The following ACSL3 variants were observed in gnomAD, a reference collection of about 807,000 sequenced individuals.
ACSL3 encodes fatty acid CoA ligase Acsl3.
Under a neutral mutation model 84.7 loss-of-function variants are expected in ACSL3, and 34 were observed. The ratio of observed to expected loss-of-function variants is 0.40; its 90% CI spans 0.31 to 0.53. The LOEUF (loss-of-function observed/expected upper bound fraction) is 0.53. Among genes scored for constraint, ACSL3 ranks in the 20% least tolerant of loss-of-function variants. The probability of loss-of-function intolerance (pLI) is 0.48; values close to 1 mark genes in which losing one functional copy is unlikely to be tolerated. For missense variants in ACSL3, 680 were observed against 873.1 expected, an observed-to-expected ratio of 0.78 and a Z score of 2.79; for synonymous variants, 315 against 299.4, an observed-to-expected ratio of 1.05 and a Z score of -0.54.
At chr2:222,937,988 G>A (rs919861687) in intron 16 of ACSL3, among the ~76,000 whole-genome samples, 3 of 151,864 alleles carry the variant, frequency 2.0e-5, no homozygotes, top group Non-Finnish European at 4.4e-5. Context: ...TGTCAATACA[G>A]TTACATAAAA....
chr2:222,873,008 G>A (rs1695345376), intron 1 of ACSL3, among the ~76,000 whole-genome samples: 1 of 152,186 alleles, frequency 6.6e-6, no homozygotes, highest in Admixed American at 6.5e-5. Flanking sequence ...TCCATTGAGA[G>A]TAGACTGGGA....
chr2:222,928,904 G>C lies in ACSL3; in HGVS notation c.1508G>C (p.Cys503Ser). The C allele has an allele frequency of 6.2e-7, 1 of 1,613,714 alleles. No individual in the cohort carries two copies. Among genetic ancestry groups the C allele is most frequent in the South Asian group, 1.1e-5 (1 of 91,054 alleles). Residue 503 changes from cysteine (C) to serine (S), a missense_variant, in exon 13 of 17, where the codon TGC (cysteine) becomes TCC (serine). Cys to Ser is a moderately radical substitution (Grantham distance 112, BLOSUM62 -1). Around this residue, in one of 2 missense-constraint regions of ACSL3, gnomAD observed 347 missense variants for 525.7 expected, o/e 0.66. Coordinates refer to ENST00000357430, the MANE Select transcript of ACSL3 (RefSeq NM_004457.5). Reference protein sequence around the residue: ...NTGRVGAPLVCCEIKLKNWEE... With the variant: ...NTGRVGAPLVSCEIKLKNWEE... ...GGCAGAGTGGGAGCACCATTAGTTT[G>C]CTGTGAAATCAAATTAAAAAACTGG...
chr2:222,876,025 T>C (rs1274495670), intron 1 of ACSL3, among the ~76,000 whole-genome samples: 1 of 152,202 alleles, frequency 6.6e-6, no homozygotes, highest in African/African-American at 2.4e-5. Flanking sequence ...CAATCCATAG[T>C]TAAAAGTGCT....
intron 4 of ACSL3, among the ~76,000 whole-genome samples, chr2:222,915,596 A>G (rs537692297): frequency 4.6e-5 from 7 of 152,344 alleles, no homozygotes; most frequent in Middle Eastern, 3.4e-3. Context: ...ACAATATGTT[A>G]AAAAACTTCA....
chr2:222,928,668 A>C (rs1696945923), intron 12 of ACSL3, among the ~76,000 whole-genome samples, 194 bp from the exon 13 acceptor site: 1 of 151,408 alleles, frequency 6.6e-6, no homozygotes, highest in Non-Finnish European at 1.5e-5. Flanking sequence ...AAAAAAAAAA[A>C]CCTCAATGTA....
intron 4 of ACSL3, among the ~76,000 whole-genome samples, chr2:222,914,737 T>G (rs1696531761): frequency 6.6e-6 from 1 of 152,236 alleles, no homozygotes; most frequent in Non-Finnish European, 1.5e-5. Flanking sequence ...TAGTTTAATC[T>G]TGTCTTGGGC....
chr2:222,937,915 T>TA (rs1191402042), intron 16 of ACSL3, among the ~76,000 whole-genome samples: 2 of 152,166 alleles, frequency 1.3e-5, no homozygotes, highest in Non-Finnish European at 1.5e-5. Flanking sequence ...TGTGTATAAT[T>TA]ACATTCTTTG....
At chr2:222,885,750 CT>C (rs147931516) in intron 1 of ACSL3, among the ~76,000 whole-genome samples, 10 of 148,846 alleles carry the variant, frequency 6.7e-5, no homozygotes, top group Non-Finnish European at 3.0e-5. Context: ...AAGGTCTGTC[CT>C]TTTTTTTTTG....
chr2:222,865,169 G>A (rs1695105278), intron 1 of ACSL3, among the ~76,000 whole-genome samples: 1 of 152,054 alleles, frequency 6.6e-6, no homozygotes, highest in African/African-American at 2.4e-5. Context: ...GCTTTCAGAC[G>A]GTTTCTGTTT....
chr2:222,941,476 C>CTTTT, intron 16 of ACSL3, 21 bp from the exon 17 acceptor site: 1 of 1,456,470 alleles, frequency 6.9e-7, no homozygotes, highest in Non-Finnish European at 9.2e-7. Context: ...TTCTTCTTTT[C>CTTTT]TTTTTTTTTA....
rs1574551659 is a variant in ACSL3, at chr2:222,915,860, A to T, written c.379-459A>T. Among the ~76,000 whole-genome samples the T allele has an allele frequency of 2.0e-5, 3 of 152,370 alleles. No individual in the cohort carries two copies. The East Asian group carries it at 5.8e-4, about 29-fold the overall frequency. On this transcript the variant is annotated intron_variant, in intron 4 of 16. Coordinates refer to ENST00000357430, the MANE Select transcript of ACSL3 (RefSeq NM_004457.5). ...GCTTGGATAGAGAAAGTTTCTGTGA[A>T]TCATTTTATACCGTCTGATACTGAC...
At chr2:222,864,016 T>C (rs997226006) in intron 1 of ACSL3, among the ~76,000 whole-genome samples, 1 of 152,078 alleles carries the variant, frequency 6.6e-6, no homozygotes, top group African/African-American at 2.4e-5. Flanking sequence ...TCTGATCCTT[T>C]TAAGAGCCAT....
intron 1 of ACSL3, among the ~76,000 whole-genome samples, chr2:222,865,042 A>G (rs955336561): frequency 1.3e-5 from 2 of 152,224 alleles, no homozygotes; most frequent in African/African-American, 4.8e-5. Flanking sequence ...AATAGAGTAT[A>G]TATTTTCATC....
chr2:222,929,055 G>A lies in ACSL3; in HGVS notation c.1540+119G>A, dbSNP rs1420304551. Reference sequence around the variant, plus strand: ...ATAAGTGCTCATTTTTGTCCTTTGTGATAGACGTGTTTTATCTCGAACTAT... The same window carrying A: ...ATAAGTGCTCATTTTTGTCCTTTGTAATAGACGTGTTTTATCTCGAACTAT... On this transcript the variant is annotated intron_variant, in intron 13 of 16. Transcript: ENST00000357430. 7.0e-6 allele frequency: 5 copies of A among 712,280 alleles called. No individual in the cohort carries two copies. In the African/African-American group the frequency reaches 7.2e-5, roughly 10 times the overall value. The allele number at this position is 712,280 out of a possible 1,614,324, so 44.1% of individuals were successfully genotyped here. A position where few individuals can be genotyped will look rare whatever the true frequency, so the allele number is the denominator to read the frequency against.
At chr2:222,888,540 A>G (rs1695773926) in intron 2 of ACSL3, among the ~76,000 whole-genome samples, 1 of 152,222 alleles carries the variant, frequency 6.6e-6, no homozygotes, top group African/African-American at 2.4e-5. Flanking sequence ...GAATCATGAT[A>G]GTTGACATCC....
At chr2:222,921,527 C>T (rs781160116) in intron 8 of ACSL3, 97 bp downstream of exon 8, 5 of 1,227,860 alleles carry the variant, frequency 4.1e-6, no homozygotes, top group Non-Finnish European at 5.5e-6. Context: ...TAAATTAGTC[C>T]CTCAGAGTCT....
intron 12 of ACSL3, among the ~76,000 whole-genome samples, 165 bp from the exon 13 acceptor site, chr2:222,928,697 T>C (rs1440166241): frequency 2.0e-5 from 3 of 151,932 alleles, no homozygotes; most frequent in East Asian, 1.9e-4. Context: ...AATACGACTC[T>C]ACAGGCCTCA....
chr2:222,933,512 A>G (rs1274013679), intron 15 of ACSL3: 2 of 360,456 alleles, frequency 5.5e-6, no homozygotes, highest in East Asian at 4.6e-5. Context: ...GCAGTGTCCC[A>G]TGGAGGGAGG....
chr2:222,933,583 AG>A, intron 15 of ACSL3: 1 of 211,414 alleles, frequency 4.7e-6, no homozygotes, highest in Non-Finnish European at 9.5e-6. Flanking sequence ...GTCCCTCAGC[AG>A]GGGAAGCTTC....
Sources: gnomAD v4.1 joint callset for allele counts (sites outside exome capture counted in the v4.1 genomes callset) on GRCh38, gnomAD v4.1.1 for gene constraint, gnomAD v4.1.1 regional missense constraint, MANE v1.5 for transcripts, NCBI Gene and HGNC (gene_info 2026-07-23, HGNC 2026-07-21) for gene names.